PDE8B: variants seen among roughly 807,000 people sequenced by gnomAD.
PDE8B encodes the protein high affinity cAMP-specific and IBMX-insensitive 3',5'-cyclic phosphodiesterase 8B.
Under a neutral mutation model 101.3 loss-of-function variants are expected in PDE8B, and 26 were observed. The observed-to-expected ratio is 0.26, with a 90% CI of 0.19 to 0.36. The LOEUF (loss-of-function observed/expected upper bound fraction) is 0.36, where lower values mean the gene tolerates loss of function less well. Among genes scored for constraint, PDE8B ranks in the 10% least tolerant of loss-of-function variants. The pLI, the probability that PDE8B is intolerant of heterozygous loss-of-function variation, is 1.00. For synonymous variants in PDE8B, 424 were observed against 429.3 expected, an observed-to-expected ratio of 0.99 and a Z score of 0.15; for missense variants, 810 against 1,163.1, an observed-to-expected ratio of 0.70 and a Z score of 4.42.
intron 1 of PDE8B, among the ~76,000 whole-genome samples, chr5:77,285,392 A>T (rs144712786): frequency 6.6e-6 from 1 of 152,124 alleles, no homozygotes; most frequent in Non-Finnish European, 1.5e-5. Context: ...AACTGTCCTT[A>T]GTTTTACTTT....
At chr5:77,222,174 AT>A in intron 1 of PDE8B, among the ~76,000 whole-genome samples, 1 of 152,310 alleles carries the variant, frequency 6.6e-6, no homozygotes, top group East Asian at 1.9e-4. Flanking sequence ...GAGAAGCTGC[AT>A]GATTTCTCCT....
In PDE8B at chr5:77,269,836, C is replaced by T. The variant is rs147020176; in HGVS notation, c.340-42158C>T. 4.6e-4 allele frequency among the ~76,000 whole-genome samples: 70 copies of T among 152,086 alleles called. 2 individuals carry two copies. The East Asian group carries it at 0.012, about 25-fold the overall frequency. On this transcript the variant is annotated intron_variant, in intron 1 of 21. Coordinates refer to ENST00000264917, the MANE Select transcript of PDE8B (RefSeq NM_003719.5). ...ATTCTGTTCCATTGCTCTATGTGTC[C>T]GTTTTTATGCCAGTACCATGCTGTT...
Position 77,427,401 on chromosome 5 carries a change from TAAAAAAAA to T in PDE8B, c.*857_*864del, listed in dbSNP as rs10536220. 1.2e-4 allele frequency: 17 copies of T among 144,412 alleles called. No individual in the cohort carries two copies. Among genetic ancestry groups the T allele is most frequent in the African/African-American group, 4.0e-4 (16 of 39,952 alleles). 8.9% of individuals were successfully genotyped at this position (144,412 alleles called of 1,614,324 possible). On this transcript the variant is annotated 3_prime_UTR_variant, in exon 22 of 22. Transcript: ENST00000264917. ...TGAATGCCCTTGGACAAGCTTTTCT[TAAAAAAAA>T]AAAAAAAAAGTTTATATACATGTTT...
At chr5:77,400,509 C>T (rs3733952) in intron 11 of PDE8B, among the ~76,000 whole-genome samples, 30,045 of 152,092 alleles carry the variant, frequency 0.2, 3,540 homozygotes, top group East Asian at 0.4. Flanking sequence ...TCATACTGAA[C>T]GCCCTCCCCA....
chr5:77,412,533 T>C (rs1794765779), intron 16 of PDE8B, among the ~76,000 whole-genome samples: 1 of 150,308 alleles, frequency 6.7e-6, no homozygotes, highest in Non-Finnish European at 1.5e-5. Context: ...CCCTACAGAA[T>C]GGAATTGAGA....
the PDE8B span, among the ~76,000 whole-genome samples, chr5:77,161,765 A>G: frequency 6.6e-6 from 1 of 152,128 alleles, no homozygotes; most frequent in Non-Finnish European, 1.5e-5. Flanking sequence ...AGTTGCTCCA[A>G]AGGTCTATCA....
At chr5:77,235,002 T>A (rs999478913) in intron 1 of PDE8B, among the ~76,000 whole-genome samples, 1 of 152,172 alleles carries the variant, frequency 6.6e-6, no homozygotes, top group Non-Finnish European at 1.5e-5. Flanking sequence ...CTTCCAGTGG[T>A]CTCTCACCCC....
chr5:77,347,343 C>T (rs1780322452), intron 7 of PDE8B, among the ~76,000 whole-genome samples: 1 of 152,180 alleles, frequency 6.6e-6, no homozygotes, highest in African/African-American at 2.4e-5. Context: ...AGGATTTGAA[C>T]TTGGGTGCCT....
At chr5:77,194,208 G>T in the PDE8B span, among the ~76,000 whole-genome samples, 1 of 152,046 alleles carries the variant, frequency 6.6e-6, no homozygotes, top group Non-Finnish European at 1.5e-5. Context: ...CTGATCTTAG[G>T]GAAAAGGCAT....
intron 10 of PDE8B, 124 bp from the exon 11 acceptor site, chr5:77,400,124 A>G (rs768988822): frequency 2.7e-6 from 2 of 732,394 alleles, no homozygotes; most frequent in Non-Finnish European, 5.0e-6. Flanking sequence ...TTCATATTAT[A>G]TGTGCAGCTT....
At chr5:77,240,669 A>G (rs1387205294) in intron 1 of PDE8B, among the ~76,000 whole-genome samples, 1 of 152,250 alleles carries the variant, frequency 6.6e-6, no homozygotes, top group African/African-American at 2.4e-5. Flanking sequence ...TTATACCCAC[A>G]CTAATTATTC....
chr5:77,199,354 G>A, the PDE8B span, among the ~76,000 whole-genome samples: 1 of 152,182 alleles, frequency 6.6e-6, no homozygotes, highest in African/African-American at 2.4e-5. Context: ...TCTCACAAAA[G>A]TGTTAGGAGA....
chr5:77,385,374 T>A (rs1788334085), intron 10 of PDE8B, among the ~76,000 whole-genome samples: 1 of 152,144 alleles, frequency 6.6e-6, no homozygotes, highest in South Asian at 2.1e-4. Flanking sequence ...TTCTTCTTTA[T>A]TAGTCTGGCT....
At chr5:77,275,107 C>T (rs1763585105) in intron 1 of PDE8B, among the ~76,000 whole-genome samples, 2 of 152,190 alleles carry the variant, frequency 1.3e-5, no homozygotes, top group East Asian at 1.9e-4. Context: ...CACCTGTAGT[C>T]CCAGCTACTT....
Position 77,369,352 on chromosome 5 carries a change from G to A in PDE8B, c.1167+15946G>A, listed in dbSNP as rs562850602. Among the ~76,000 whole-genome samples, 73 of 152,168 alleles carry A rather than the reference G, an allele frequency of 4.8e-4. No homozygotes were observed. In the Middle Eastern group the frequency reaches 0.01, roughly 21 times the overall value. On this transcript the variant is annotated intron_variant, in intron 10 of 21. Coordinates refer to ENST00000264917, the MANE Select transcript of PDE8B (RefSeq NM_003719.5). ...CCACCTGAGTAGCAGGGCATTGACTGTTCCATGAATTCCAAGGTGGAAGGA... is the reference window on the plus strand; with the variant it reads ...CCACCTGAGTAGCAGGGCATTGACTATTCCATGAATTCCAAGGTGGAAGGA...
intron 1 of PDE8B, among the ~76,000 whole-genome samples, chr5:77,294,760 A>C (rs184410832): frequency 1.3e-3 from 201 of 150,794 alleles, no homozygotes; most frequent in African/African-American, 4.2e-3. Flanking sequence ...AAGAAGAAAA[A>C]CACAGAAATA....
chr5:77,224,104 G>T (rs1442428659), intron 1 of PDE8B, among the ~76,000 whole-genome samples: 1 of 152,172 alleles, frequency 6.6e-6, no homozygotes, highest in Non-Finnish European at 1.5e-5. Context: ...AGAGAACTAT[G>T]CTGTACTGTG....
intron 1 of PDE8B, among the ~76,000 whole-genome samples, chr5:77,266,507 A>G (rs1365186101): frequency 2.0e-5 from 3 of 152,240 alleles, no homozygotes; most frequent in Non-Finnish European, 4.4e-5. Context: ...GACGAGCTTC[A>G]TTCAGGCATG....
intron 6 of PDE8B, among the ~76,000 whole-genome samples, chr5:77,342,872 C>T (rs563299646): frequency 6.6e-6 from 1 of 152,052 alleles, no homozygotes; most frequent in Non-Finnish European, 1.5e-5. Flanking sequence ...GGTTGGAAGC[C>T]GAGTAACATC....
Sources: allele counts gnomAD v4.1 joint callset (sites outside exome capture counted in the v4.1 genomes callset), GRCh38; gene constraint gnomAD v4.1.1; transcripts MANE v1.5; gene names NCBI Gene and HGNC (gene_info 2026-07-23, HGNC 2026-07-21).